The following KCNQ1 variants were observed in gnomAD, a reference collection of about 807,000 sequenced individuals.
KCNQ1 encodes potassium voltage-gated channel subfamily Q member 1, also known as potassium voltage-gated channel subfamily KQT member 1.
A neutral mutation model predicts 72.4 loss-of-function variants in KCNQ1; 49 were observed. That is an observed-to-expected ratio of 0.68 (90% CI 0.54 to 0.86). KCNQ1 has a LOEUF of 0.86. KCNQ1 is among the 40% of genes least tolerant of loss of function. The pLI, the probability that KCNQ1 is intolerant of heterozygous loss-of-function variation, is 0.00. For synonymous variants in KCNQ1, 450 were observed against 412.6 expected (o/e 1.09, Z -1.10); for missense variants, 790 against 945.1 (o/e 0.84, Z 2.15).
intron 15 of KCNQ1, among the ~76,000 whole-genome samples, chr11:2,842,797 C>T (rs552962041): frequency 6.6e-6 from 1 of 152,310 alleles, no homozygotes; most frequent in Non-Finnish European, 1.5e-5. Context: ...TCGGGTGGCT[C>T]GCAGTGCACT....
intron 11 of KCNQ1, among the ~76,000 whole-genome samples, chr11:2,732,338 C>T (rs1008309384): frequency 3.3e-5 from 5 of 152,206 alleles, no homozygotes; most frequent in Non-Finnish European, 4.4e-5. Flanking sequence ...ACTGCGAAGA[C>T]CCTCGGGGCC....
At position 2,486,059 on chromosome 11, in the gene KCNQ1, A is replaced by C. The variant is rs1202377424; in HGVS notation, c.386+40575A>C. Among the ~76,000 whole-genome samples the C allele has an allele frequency of 6.6e-6, 1 of 152,256 alleles. No homozygotes were observed. Among genetic ancestry groups the C allele is most frequent in the African/African-American group, 2.4e-5 (1 of 41,464 alleles). Reference sequence around the variant, plus strand: ...TTTCAATTCTTTTGGGTATATACCCAGAAGTGGAATTTCTGGATTATATGG... The same window carrying C: ...TTTCAATTCTTTTGGGTATATACCCCGAAGTGGAATTTCTGGATTATATGG... On this transcript the variant is annotated intron_variant, in intron 1 of 15. Coordinates refer to ENST00000155840, the MANE Select transcript of KCNQ1 (RefSeq NM_000218.3). This position sits in a 1 kb window ranked among gnomAD's most constrained non-coding sequence, Gnocchi z 5.0.
In KCNQ1 at chr11:2,617,022, C is replaced by A. The variant is rs181241162; in HGVS notation, c.1393+28168C>A. 7 of 397,442 alleles carry A rather than the reference C, an allele frequency of 1.8e-5. No individual in the cohort carries two copies. Among genetic ancestry groups the A allele is most frequent in the African/African-American group, 6.2e-5 (3 of 48,416 alleles). The allele number at this position is 397,442 out of a possible 1,614,324, so 24.6% of individuals were successfully genotyped here. A position where few individuals can be genotyped will look rare whatever the true frequency, so the allele number is the denominator to read the frequency against. On this transcript the variant is annotated intron_variant, in intron 10 of 15. Coordinates refer to ENST00000155840, the MANE Select transcript of KCNQ1 (RefSeq NM_000218.3). This position sits in a 1 kb window ranked among gnomAD's most constrained non-coding sequence, Gnocchi z 4.6. ...TAGTGTATAAAACATACAGTTAAAT[C>A]GTTAACATAGTGATGCAAATTAATA... is the stretch of plus-strand genomic sequence containing the variant.
intron 10 of KCNQ1, chr11:2,632,337 C>A (rs912179706): frequency 5.0e-6 from 2 of 398,158 alleles, no homozygotes; most frequent in Non-Finnish European, 8.9e-6. Context: ...AATTTTAATT[C>A]TTCCTTTCTA....
At chr11:2,789,714 C>A (rs976561701) in intron 15 of KCNQ1, among the ~76,000 whole-genome samples, 1 of 152,210 alleles carries the variant, frequency 6.6e-6, no homozygotes, top group Admixed American at 6.5e-5. Flanking sequence ...GTGGGCTTGG[C>A]TCTGAGATCC....
chr11:2,662,697 G>A lies in KCNQ1; in HGVS notation c.1514+616G>A, dbSNP rs916819411. ...GCTGGGGTGCCCAGCGGTGACAGCC[G>A]TGCAGCGGGGTCAGTGGGGCACCCA... On this transcript the variant is annotated intron_variant, in intron 11 of 15. Coordinates refer to ENST00000155840, the MANE Select transcript of KCNQ1 (RefSeq NM_000218.3). 39 of 402,584 alleles carry A rather than the reference G, an allele frequency of 9.7e-5. 1 individual carries two copies. The highest frequency in any genetic ancestry group is 1.5e-4 in the Non-Finnish European group (34 of 228,384). The allele number at this position is 402,584 out of a possible 1,614,324, so 24.9% of individuals were successfully genotyped here.
At chr11:2,681,355 T>C (rs1850393552) in intron 11 of KCNQ1, 2 of 398,362 alleles carry the variant, frequency 5.0e-6, no homozygotes, top group Admixed American at 4.4e-5. Context: ...TGTAGCTCCC[T>C]GCTCACTCCA....
chr11:2,796,098 G>C (rs537285732), intron 15 of KCNQ1, among the ~76,000 whole-genome samples: 40 of 152,366 alleles, frequency 2.6e-4, no homozygotes, highest in Admixed American at 5.9e-4. Context: ...GCCTAGAACC[G>C]ACACGTGTGA....
rs565202170 is a variant in KCNQ1 at position 2,770,222 on chromosome 11, C to G, written c.1590+1303C>G. Among the ~76,000 whole-genome samples the G allele has an allele frequency of 5.4e-4, 82 of 152,282 alleles. 3 individuals carry two copies. The South Asian group carries it at 0.015, about 28-fold the overall frequency. ...TTGGTGGAGCCCCCACCCATCTGGG[C>G]CCTGGAGCCACCTCAGCCTCCAGAC... On this transcript the variant is annotated intron_variant, in intron 12 of 15. Coordinates refer to ENST00000155840, the MANE Select transcript of KCNQ1 (RefSeq NM_000218.3).
chr11:2,591,641 C>G (rs2283177), intron 10 of KCNQ1, among the ~76,000 whole-genome samples: 2 of 152,206 alleles, frequency 1.3e-5, no homozygotes, highest in African/African-American at 4.8e-5. Flanking sequence ...CGGGGCAGCC[C>G]GAATCGATGC....
At chr11:2,847,366 C>A (rs1003177482) in intron 15 of KCNQ1, among the ~76,000 whole-genome samples, 5 of 152,224 alleles carry the variant, frequency 3.3e-5, no homozygotes, top group African/African-American at 1.2e-4. Context: ...CCTCAAGAAG[C>A]CAAAGGCTGC....
chr11:2,571,310 T>C lies in KCNQ1; in HGVS notation c.605-15T>C, dbSNP rs1381186792. 6.2e-7 allele frequency: 1 copy of C among 1,610,266 alleles called. No individual in the cohort carries two copies. Among genetic ancestry groups the C allele is most frequent in the Non-Finnish European group, 8.5e-7 (1 of 1,177,378 alleles). ...TGGCGATCACGAAAAGCTCCCCCTC[T>C]CCTGCACTCCACAGACCTCATCGTG... On this transcript the variant is annotated splice_polypyrimidine_tract_variant and intron_variant, in intron 3 of 15. Transcript: ENST00000155840.
chr11:2,596,387 A>G (rs1252496397), intron 10 of KCNQ1, among the ~76,000 whole-genome samples: 2 of 152,254 alleles, frequency 1.3e-5, no homozygotes, highest in Admixed American at 1.3e-4. Context: ...TGTACATGGA[A>G]TATTCATAGC....
chr11:2,573,296 C>CT (rs760943338), intron 6 of KCNQ1, among the ~76,000 whole-genome samples: 4 of 152,164 alleles, frequency 2.6e-5, no homozygotes, highest in African/African-American at 7.2e-5. Flanking sequence ...TCCCCCATGG[C>CT]TCTGCCTCCC....
chr11:2,759,299 G>A lies in KCNQ1; in HGVS notation c.1515-9545G>A, dbSNP rs1846352396. Among the ~76,000 whole-genome samples, 1 of 152,178 alleles carries A rather than the reference G, an allele frequency of 6.6e-6. No homozygotes were observed. Among genetic ancestry groups the A allele is most frequent in the Non-Finnish European group, 1.5e-5 (1 of 68,018 alleles). On this transcript the variant is annotated intron_variant, in intron 11 of 15. Coordinates refer to ENST00000155840, the MANE Select transcript of KCNQ1 (RefSeq NM_000218.3). This position sits in a 1 kb window ranked among gnomAD's most constrained non-coding sequence, Gnocchi z 4.4. ...TACGAGGTGGCTGCTAGGGGGATGT[G>A]ACGTAGAGTGACTTCAGTTTCCCTC...
intron 11 of KCNQ1, chr11:2,689,391 A>G: frequency 5.0e-6 from 2 of 398,734 alleles, no homozygotes; most frequent in South Asian, 2.5e-4. Flanking sequence ...GGGTGGAAGA[A>G]GCCCACTCTT....
At chr11:2,631,019 C>A in intron 10 of KCNQ1, 1 of 398,460 alleles carries the variant, frequency 2.5e-6, no homozygotes, top group Non-Finnish European at 4.4e-6. Context: ...ATCTTGTCTT[C>A]CATTTTTTAC....
At chr11:2,545,524 A>G (rs1229621748) in intron 2 of KCNQ1, among the ~76,000 whole-genome samples, 2 of 152,216 alleles carry the variant, frequency 1.3e-5, no homozygotes, top group Admixed American at 1.3e-4. Flanking sequence ...GGTAATTGAT[A>G]ATAGTTATAT....
rs2133850518 is a variant in KCNQ1 at position 2,657,445 on chromosome 11, C to A, written c.1394-4516C>A. 2.5e-6 allele frequency: 1 copy of A among 398,474 alleles called. No individual in the cohort carries two copies. The highest frequency in any genetic ancestry group is 4.4e-6 in the Non-Finnish European group (1 of 226,018). The allele number at this position is 398,474 out of a possible 1,614,324, so 24.7% of individuals were successfully genotyped here. A position where few individuals can be genotyped will look rare whatever the true frequency, so the allele number is the denominator to read the frequency against. The stretch of plus-strand genomic sequence containing the variant: ...TATACTTAGTTAGATAATTAATATT[C>A]TTTTGTGCTATTGTATACAGGTTCT... On this transcript the variant is annotated intron_variant, in intron 10 of 15. Coordinates refer to ENST00000155840, the MANE Select transcript of KCNQ1 (RefSeq NM_000218.3). This position sits in a 1 kb window ranked among gnomAD's most constrained non-coding sequence, Gnocchi z 4.8.
Sources: allele counts gnomAD v4.1 joint callset (sites outside exome capture counted in the v4.1 genomes callset), GRCh38; gene constraint gnomAD v4.1.1; non-coding constraint Gnocchi (gnomAD v3.1); transcripts MANE v1.5; gene names NCBI Gene and HGNC (gene_info 2026-07-23, HGNC 2026-07-21).